PPARGC1A: variants seen among roughly 807,000 people sequenced by gnomAD.
PPARGC1A encodes the protein peroxisome proliferator-activated receptor gamma coactivator 1-alpha.
In PPARGC1A, 25 loss-of-function variants were observed where a neutral mutation model predicts 88.7. The observed-to-expected ratio is 0.28, with a 90% CI of 0.21 to 0.39. The LOEUF is 0.39. PPARGC1A is among the 10% of genes least tolerant of loss of function. The probability of loss-of-function intolerance (pLI) is 1.00; values close to 1 mark genes in which losing one functional copy is unlikely to be tolerated. For missense variants in PPARGC1A, 880 were observed against 968.7 expected (o/e 0.91, Z 1.22); for synonymous variants, 363 against 355.6 (o/e 1.02, Z -0.24).
At chr4:24,000,438 C>A in the PPARGC1A span, among the ~76,000 whole-genome samples, 1 of 151,934 alleles carries the variant, frequency 6.6e-6, no homozygotes, top group African/African-American at 2.4e-5. Context: ...TAAACACGTG[C>A]TTAAATAGCA....
chr4:24,109,700 T>G, the PPARGC1A span, among the ~76,000 whole-genome samples: 1 of 152,178 alleles, frequency 6.6e-6, no homozygotes, highest in Non-Finnish European at 1.5e-5. Context: ...TGAAAATAGA[T>G]CCTGAGTAGT....
chr4:24,430,840 G>A, the PPARGC1A span, among the ~76,000 whole-genome samples: 2 of 152,226 alleles, frequency 1.3e-5, no homozygotes, highest in African/African-American at 2.4e-5. Flanking sequence ...AGTAGGGGCC[G>A]GGCGCGGGGG....
chr4:24,182,982 A>C, the PPARGC1A span, among the ~76,000 whole-genome samples: 1 of 152,132 alleles, frequency 6.6e-6, no homozygotes, highest in Non-Finnish European at 1.5e-5. Flanking sequence ...GTGTCGGGGG[A>C]AGATATAATA....
At chr4:24,379,929 C>T in the PPARGC1A span, among the ~76,000 whole-genome samples, 1 of 151,888 alleles carries the variant, frequency 6.6e-6, no homozygotes, top group Admixed American at 6.6e-5. Flanking sequence ...CAGACGCGCC[C>T]CACCACACCT....
intron 7 of PPARGC1A, among the ~76,000 whole-genome samples, chr4:23,815,915 T>C (rs1469232844): frequency 1.3e-5 from 2 of 152,008 alleles, no homozygotes; most frequent in African/African-American, 2.4e-5. Context: ...AACACAGACA[T>C]ACACAACACA....
chr4:24,388,874 C>T, the PPARGC1A span, among the ~76,000 whole-genome samples: 33 of 152,138 alleles, frequency 2.2e-4, no homozygotes, highest in Non-Finnish European at 2.9e-4. Context: ...ATGTAGATGA[C>T]GGGTTGATGG....
At chr4:24,334,579 T>C in the PPARGC1A span, among the ~76,000 whole-genome samples, 1 of 152,244 alleles carries the variant, frequency 6.6e-6, no homozygotes, top group Admixed American at 6.5e-5. Flanking sequence ...CTTGGCAAAG[T>C]ACTCCATCCC....
the PPARGC1A span, among the ~76,000 whole-genome samples, chr4:24,211,337 T>C: frequency 3.3e-4 from 50 of 152,142 alleles, no homozygotes. Flanking sequence ...ACCAGAGACT[T>C]CAATATAGAA....
At chr4:23,998,839 G>C in the PPARGC1A span, among the ~76,000 whole-genome samples, 2 of 152,322 alleles carry the variant, frequency 1.3e-5, no homozygotes, top group African/African-American at 4.8e-5. Flanking sequence ...GTAGCTTGGT[G>C]AGTGGCCTAT....
chr4:24,139,542 G>C, the PPARGC1A span, among the ~76,000 whole-genome samples: 4,923 of 152,190 alleles, frequency 0.032, 218 homozygotes, highest in East Asian at 0.099. Context: ...GAAAAACAGA[G>C]TTTTGCTATT....
the PPARGC1A span, among the ~76,000 whole-genome samples, chr4:24,215,136 C>T: frequency 6.6e-6 from 1 of 152,186 alleles, no homozygotes; most frequent in African/African-American, 2.4e-5. Flanking sequence ...TGAAAAGGCC[C>T]TGCCTCCCAG....
the PPARGC1A span, among the ~76,000 whole-genome samples, chr4:24,186,673 C>A: frequency 6.6e-6 from 1 of 152,116 alleles, no homozygotes; most frequent in South Asian, 2.1e-4. Flanking sequence ...CTCCAAAGAT[C>A]GGTTTTTGAG....
the PPARGC1A span, among the ~76,000 whole-genome samples, chr4:24,155,852 A>G: frequency 6.6e-6 from 1 of 152,180 alleles, no homozygotes; most frequent in Admixed American, 6.5e-5. Flanking sequence ...CCAAGTGGGC[A>G]GATGCAAGTT....
At position 23,810,798 on chromosome 4, in the gene PPARGC1A, A is replaced by G. The variant is rs77226222; in HGVS notation, c.2019+1949T>C. 2.9e-3 allele frequency among the ~76,000 whole-genome samples: 440 copies of G among 152,264 alleles called. 3 individuals are homozygous for G. Among genetic ancestry groups the G allele is most frequent in the African/African-American group, 0.01 (419 of 41,560 alleles). ...AACACCAAAATAATCATTTTCCTAC[A>G]TGTTCGCTCAGCATGATTTTCTTTT... On this transcript the variant is annotated intron_variant, in intron 10 of 12. Transcript: ENST00000264867.
the PPARGC1A span, among the ~76,000 whole-genome samples, chr4:24,089,217 C>A: frequency 1.3e-5 from 2 of 152,156 alleles, no homozygotes; most frequent in Non-Finnish European, 2.9e-5. Flanking sequence ...AAAGAAGTCA[C>A]CCTCGCCACA....
the PPARGC1A span, among the ~76,000 whole-genome samples, chr4:24,160,394 T>C: frequency 2.6e-5 from 4 of 152,194 alleles, no homozygotes; most frequent in Admixed American, 2.6e-4. Context: ...TAAGTAAAAG[T>C]ATTAGCATCG....
the PPARGC1A span, among the ~76,000 whole-genome samples, chr4:23,980,207 A>AT: frequency 6.6e-6 from 1 of 151,206 alleles, no homozygotes; most frequent in African/African-American, 2.4e-5. Context: ...AAAAAAAAAA[A>AT]AATGGAGGAT....
chr4:23,847,154 C>G (rs895928051), intron 2 of PPARGC1A, among the ~76,000 whole-genome samples: 2 of 152,106 alleles, frequency 1.3e-5, no homozygotes, highest in Admixed American at 1.3e-4. Flanking sequence ...GACTAAGAAT[C>G]ACACCTGTAA....
chr4:23,806,502 G>A lies in PPARGC1A; in HGVS notation c.2020-4157C>T, dbSNP rs116538348. ...TTTTCAACTTCTTAAAGGCTTGGAG[G>A]AACTCTAAACCTTTGGAAACAGCTC... is the stretch of plus-strand genomic sequence containing the variant. On this transcript the variant is annotated intron_variant, in intron 10 of 12. Transcript: ENST00000264867. Among the ~76,000 whole-genome samples, 865 of 152,292 alleles carry A rather than the reference G, an allele frequency of 5.7e-3. 3 individuals are homozygous for A. The highest frequency in any genetic ancestry group is 9.4e-3 in the Non-Finnish European group (640 of 68,030).
Sources: allele counts gnomAD v4.1 joint callset (sites outside exome capture counted in the v4.1 genomes callset), GRCh38; gene constraint gnomAD v4.1.1; transcripts MANE v1.5; gene names NCBI Gene and HGNC (gene_info 2026-07-23, HGNC 2026-07-21).